The following PLXNC1 variants were observed in gnomAD, a reference collection of about 807,000 sequenced individuals.
PLXNC1 encodes the protein plexin C1.
PLXNC1 carries 75 observed loss-of-function variants against 178.2 expected under a neutral mutation model. The observed-to-expected ratio is 0.42, with a 90% confidence interval of 0.35 to 0.51. PLXNC1 has a LOEUF of 0.51. PLXNC1 is among the 20% of genes least tolerant of loss of function. PLXNC1 has a pLI of 0.02. For synonymous variants in PLXNC1, 790 were observed against 779.9 expected (o/e 1.01, Z -0.22); for missense variants, 1,503 against 1,984.4 (o/e 0.76, Z 4.61).
At chr12:94,249,928 T>TGTGGTGGG (rs1964629819) in intron 14 of PLXNC1, among the ~76,000 whole-genome samples, 1 of 81,620 alleles carries the variant, frequency 1.2e-5, no homozygotes, top group Non-Finnish European at 2.3e-5. Context: ...AAAGCACCAG[T>TGTGGTGGG]GTGGGGGGGT....
intron 10 of PLXNC1, among the ~76,000 whole-genome samples, chr12:94,238,068 G>A (rs1468804516): frequency 6.6e-6 from 1 of 152,088 alleles, no homozygotes; most frequent in Non-Finnish European, 1.5e-5. Flanking sequence ...TGCCTGTTTG[G>A]GGTCTTGATT....
intron 1 of PLXNC1, among the ~76,000 whole-genome samples, chr12:94,156,145 G>A (rs1961159076): frequency 6.6e-6 from 1 of 152,052 alleles, no homozygotes; most frequent in South Asian, 2.1e-4. Flanking sequence ...CTGGATTCAC[G>A]AGTTAATAAG....
intron 20 of PLXNC1, among the ~76,000 whole-genome samples, chr12:94,261,881 A>T (rs112043927): frequency 0.052 from 7,956 of 151,832 alleles, 705 homozygotes; most frequent in African/African-American, 0.18. Context: ...TTTTTTTTTT[A>T]ATTTCTCACC....
At chr12:94,195,254 C>T (rs1274796848) in intron 4 of PLXNC1, among the ~76,000 whole-genome samples, 2 of 152,138 alleles carry the variant, frequency 1.3e-5, no homozygotes, top group Admixed American at 6.5e-5. Context: ...AAGTCTCTCC[C>T]GGCCTCCCAC....
At chr12:94,244,334 G>C (rs1481726792) in intron 12 of PLXNC1, among the ~76,000 whole-genome samples, 1 of 152,186 alleles carries the variant, frequency 6.6e-6, no homozygotes, top group Non-Finnish European at 1.5e-5. Context: ...GTGTGAAAAT[G>C]CTCCGTGAAT....
At chr12:94,185,731 C>G (rs1962484506) in intron 3 of PLXNC1, among the ~76,000 whole-genome samples, 1 of 152,228 alleles carries the variant, frequency 6.6e-6, no homozygotes, top group Admixed American at 6.5e-5. Context: ...GTGGGAGGGC[C>G]TCGTCCCTGG....
In PLXNC1 at chr12:94,307,140, T is replaced by C. The variant is rs983855413; in HGVS notation, c.*1855T>C. On this transcript the variant is annotated 3_prime_UTR_variant, in exon 31 of 31. Coordinates refer to ENST00000258526, the MANE Select transcript of PLXNC1 (RefSeq NM_005761.3). ...CTACATGAGGGTGTCCCTGTCCAGC[T>C]TTCTGGCACATGAGTCCTGTGTGGA... The C allele has an allele frequency of 6.6e-6, 1 of 152,342 alleles. No homozygotes were observed. Among genetic ancestry groups the C allele is most frequent in the East Asian group, 1.9e-4 (1 of 5,182 alleles). The allele number at this position is 152,342 out of a possible 1,614,324, so 9.4% of individuals were successfully genotyped here.
At chr12:94,187,706 C>T (rs989411774) in intron 4 of PLXNC1, among the ~76,000 whole-genome samples, 1 of 152,120 alleles carries the variant, frequency 6.6e-6, no homozygotes, top group East Asian at 1.9e-4. Flanking sequence ...GAGCTGTGTA[C>T]AGGAGTCAAT....
At chr12:94,171,746 A>T (rs1464738168) in intron 2 of PLXNC1, among the ~76,000 whole-genome samples, 1 of 152,190 alleles carries the variant, frequency 6.6e-6, no homozygotes, top group Non-Finnish European at 1.5e-5. Flanking sequence ...CTCAGGAAAG[A>T]GTCCCAGCTT....
In PLXNC1 at chr12:94,177,091, GTATA is replaced by G. The variant is rs1219806586; in HGVS notation, c.1204-4347_1204-4344del. 5.4e-4 allele frequency among the ~76,000 whole-genome samples: 75 copies of G among 139,720 alleles called. 1 individual carries two copies. The highest frequency in any genetic ancestry group is 7.5e-3 in the Middle Eastern group (2 of 266). 91.7% of individuals were successfully genotyped at this position (139,720 alleles called of 152,430 possible). A position where few individuals can be genotyped will look rare whatever the true frequency, so the allele number is the denominator to read the frequency against. ...TGTGTGTGTGTGTATATATATATGT[GTATA>G]TATATATGTGTGTGTGTATATATGT... On this transcript the variant is annotated intron_variant, in intron 2 of 30. Coordinates refer to ENST00000258526, the MANE Select transcript of PLXNC1 (RefSeq NM_005761.3).
At chr12:94,252,205 C>G (rs903866884) in intron 15 of PLXNC1, among the ~76,000 whole-genome samples, 5 of 152,052 alleles carry the variant, frequency 3.3e-5, no homozygotes, top group Non-Finnish European at 7.4e-5. Flanking sequence ...TCATCTTGAC[C>G]ACCCCCCACC....
At chr12:94,207,236 A>G (rs1565809861) in intron 4 of PLXNC1, among the ~76,000 whole-genome samples, 1 of 152,044 alleles carries the variant, frequency 6.6e-6, no homozygotes, top group Non-Finnish European at 1.5e-5. Context: ...GTTTTTTTAT[A>G]TATATATAAA....
intron 14 of PLXNC1, among the ~76,000 whole-genome samples, chr12:94,249,940 G>GGGGGGTGA (rs1327574269): frequency 1.6e-5 from 2 of 125,946 alleles, no homozygotes; most frequent in East Asian, 5.5e-4. Context: ...TGGGGGGGTG[G>GGGGGGTGA]GGGGGTGGGA....
chr12:94,160,150 C>T (rs1735254233), intron 1 of PLXNC1, among the ~76,000 whole-genome samples: 2 of 152,312 alleles, frequency 1.3e-5, no homozygotes, highest in South Asian at 4.1e-4. Context: ...AGGCCCCACA[C>T]ATCCCTGTTT....
In PLXNC1 at chr12:94,178,371, G is replaced by C. The variant is rs184228064; in HGVS notation, c.1204-3075G>C. Among the ~76,000 whole-genome samples, 873 of 152,260 alleles carry C rather than the reference G, an allele frequency of 5.7e-3. 12 individuals carry two copies. Among genetic ancestry groups the C allele is most frequent in the African/African-American group, 0.02 (835 of 41,544 alleles). ...GGTGGTGCTGCCCAATGATGCTTTTGCCATGATGAATTCCTGAAGAGATAC... is the reference window on the plus strand; with the variant it reads ...GGTGGTGCTGCCCAATGATGCTTTTCCCATGATGAATTCCTGAAGAGATAC... On this transcript the variant is annotated intron_variant, in intron 2 of 30. Transcript: ENST00000258526.
At chr12:94,191,586 C>A (rs552104784) in intron 4 of PLXNC1, among the ~76,000 whole-genome samples, 76 of 152,128 alleles carry the variant, frequency 5.0e-4, no homozygotes, top group African/African-American at 1.6e-3. Flanking sequence ...GAGTTCAACA[C>A]CAGCCTGGCC....
At chr12:94,152,044 A>C (rs1412336209) in intron 1 of PLXNC1, among the ~76,000 whole-genome samples, 1 of 152,242 alleles carries the variant, frequency 6.6e-6, no homozygotes, top group African/African-American at 2.4e-5. Context: ...GCTGCTATTT[A>C]TCAAGAACTC....
intron 1 of PLXNC1, among the ~76,000 whole-genome samples, chr12:94,166,458 C>T (rs188312973): frequency 6.6e-6 from 1 of 151,914 alleles, no homozygotes; most frequent in Admixed American, 6.6e-5. Flanking sequence ...TGCTATACTG[C>T]CTTCATTAGG....
At chr12:94,190,816 T>G (rs1286867605) in intron 4 of PLXNC1, among the ~76,000 whole-genome samples, 1 of 152,224 alleles carries the variant, frequency 6.6e-6, no homozygotes, top group Non-Finnish European at 1.5e-5. Context: ...CTAAGCATGT[T>G]CCTGCCCCAG....
Sources: gnomAD v4.1 joint callset for allele counts (sites outside exome capture counted in the v4.1 genomes callset) on GRCh38, gnomAD v4.1.1 for gene constraint, MANE v1.5 for transcripts, NCBI Gene and HGNC (gene_info 2026-07-23, HGNC 2026-07-21) for gene names.